Variants in TCF3 observed in about 807,000 individuals in gnomAD.
TCF3 encodes the protein transcription factor 3.
In TCF3, 54 loss-of-function variants were observed where a neutral mutation model predicts 72.3. That is an observed-to-expected ratio of 0.75 (90% CI 0.60 to 0.94). The LOEUF is 0.94. TCF3 is among the 40% of genes least tolerant of loss of function. The pLI, the probability that TCF3 is intolerant of heterozygous loss-of-function variation, is 0.00. For synonymous variants in TCF3, 525 were observed against 412.6 expected, an observed-to-expected ratio of 1.27 and a Z score of -3.30; for missense variants, 1,078 against 934.4, an observed-to-expected ratio of 1.15 and a Z score of -2.00.
In TCF3 at chr19:1,611,307, T is replaced by C. The variant is rs1298153255; in HGVS notation, c.*400A>G. The C allele has an allele frequency of 8.0e-6, 3 of 374,324 alleles. No homozygotes were observed. Among genetic ancestry groups the C allele is most frequent in the African/African-American group, 2.1e-5 (1 of 48,260 alleles). 23.2% of individuals were successfully genotyped at this position (374,324 alleles called of 1,614,324 possible). On this transcript the variant is annotated 3_prime_UTR_variant, in exon 19 of 19. Coordinates refer to ENST00000262965, the MANE Select transcript of TCF3 (RefSeq NM_003200.5). ...TTTCCATTTCTCCGCTTTTTATAGT[T>C]AAGGCATTTTTTTCTTCTCTGACAA...
chr19:1,609,604 G>C lies in TCF3; in HGVS notation c.*2103C>G. On this transcript the variant is annotated 3_prime_UTR_variant, in exon 19 of 19. Coordinates refer to ENST00000262965, the MANE Select transcript of TCF3 (RefSeq NM_003200.5). ...GGGGCCACTGCCCACCCAGACCTAG[G>C]GGCAGGGCCAGGAGCAAAACAAGAG... The C allele has an allele frequency of 4.5e-6, 1 of 220,716 alleles. No individual in the cohort carries two copies. Among genetic ancestry groups the C allele is most frequent in the East Asian group, 6.6e-5 (1 of 15,100 alleles). The allele number at this position is 220,716 out of a possible 1,614,324, so 13.7% of individuals were successfully genotyped here. A position where few individuals can be genotyped will look rare whatever the true frequency, so the allele number is the denominator to read the frequency against.
intron 13 of TCF3, 79 bp from the exon 14 acceptor site, chr19:1,619,932 T>G: frequency 8.0e-7 from 1 of 1,247,736 alleles, no homozygotes; most frequent in East Asian, 2.6e-5. Context: ...GAGGGATTCA[T>G]GAACCACCCC....
In TCF3 at chr19:1,652,424, G is replaced by GGC. The variant is rs1031220893; in HGVS notation, c.-166_-165dup. On this transcript the variant is annotated 5_prime_UTR_variant, in exon 1 of 19. Coordinates refer to ENST00000262965, the MANE Select transcript of TCF3 (RefSeq NM_003200.5). Reference sequence around the variant, plus strand: ...AGGGTCGCGCGTGGGCGGCGGCGGCGGCGCGCGTGGCCCGGGCCCCTCCCA... The same window carrying GGC: ...AGGGTCGCGCGTGGGCGGCGGCGGCGGCGCGCGCGTGGCCCGGGCCCCTCCCA... 2.1e-5 allele frequency: 3 copies of GGC among 142,156 alleles called. No homozygotes were observed. Among genetic ancestry groups the GGC allele is most frequent in the African/African-American group, 7.6e-5 (3 of 39,602 alleles). The allele number at this position is 142,156 out of a possible 1,614,324, so 8.8% of individuals were successfully genotyped here. A position where few individuals can be genotyped will look rare whatever the true frequency, so the allele number is the denominator to read the frequency against.
At chr19:1,624,264 C>T (rs2074889) in intron 7 of TCF3, among the ~76,000 whole-genome samples, 39,094 of 151,952 alleles carry the variant, frequency 0.26, 7,250 homozygotes, top group African/African-American at 0.52. Context: ...GGCGTGGTGG[C>T]GGGTGCCTAT....
chr19:1,643,032 C>T (rs919076931), intron 3 of TCF3, among the ~76,000 whole-genome samples: 5 of 152,150 alleles, frequency 3.3e-5, no homozygotes, highest in Admixed American at 3.3e-4. Flanking sequence ...TGGTGTCTCC[C>T]GTGGCCTCAG....
At chr19:1,644,074 G>A (rs931998108) in intron 3 of TCF3, among the ~76,000 whole-genome samples, 4 of 152,244 alleles carry the variant, frequency 2.6e-5, no homozygotes, top group Admixed American at 1.3e-4. Flanking sequence ...CCATCCTGCT[G>A]ATGAGCCCCA....
intron 7 of TCF3, among the ~76,000 whole-genome samples, chr19:1,624,367 G>A (rs1314872112): frequency 6.6e-6 from 1 of 152,212 alleles, no homozygotes; most frequent in Non-Finnish European, 1.5e-5. Flanking sequence ...CTGCACTCCA[G>A]CCTGGGGACA....
At position 1,615,602 on chromosome 19, in the gene TCF3, G is replaced by C. The variant is rs1269434920; in HGVS notation, c.1587-82C>G. ...CGTGGGGCCCGCCGACGGCCTCCCA[G>C]TGTGGGTGCGGTGTGCGTGTGGCCT... is the stretch of plus-strand genomic sequence containing the variant. On this transcript the variant is annotated intron_variant, in intron 17 of 18. Transcript: ENST00000262965. This position sits in a 1 kb window ranked among gnomAD's most constrained non-coding sequence, Gnocchi z 7.3. The C allele has an allele frequency of 1.2e-6, 2 of 1,608,572 alleles. No homozygotes were observed. Among genetic ancestry groups the C allele is most frequent in the Admixed American group, 3.3e-5 (2 of 60,002 alleles).
intron 18 of TCF3, chr19:1,612,243 C>G (rs752724738): frequency 1.2e-6 from 2 of 1,604,324 alleles, no homozygotes; most frequent in South Asian, 1.1e-5. Flanking sequence ...ATGACCTGCA[C>G]GGCCTGCTGC....
At chr19:1,622,544 A>C in intron 8 of TCF3, 129 bp from the exon 9 acceptor site, 4 of 521,208 alleles carry the variant, frequency 7.7e-6, no homozygotes, top group South Asian at 3.3e-5. Flanking sequence ...CTGTAAAGCC[A>C]CCCCCCTTTA....
intron 1 of TCF3, chr19:1,651,414 AG>A (rs2067025918): frequency 8.8e-6 from 2 of 226,558 alleles, no homozygotes; most frequent in Non-Finnish European, 1.8e-5. Flanking sequence ...TCCCCCGCTC[AG>A]TTTTTTTCTT....
intron 3 of TCF3, among the ~76,000 whole-genome samples, chr19:1,644,973 G>T (rs1385448237): frequency 6.6e-6 from 1 of 152,138 alleles, no homozygotes; most frequent in Non-Finnish European, 1.5e-5. Context: ...TGTTTCCGGG[G>T]GGCTGGCAGG....
chr19:1,612,072 C>G (rs2061057005), intron 18 of TCF3: 1 of 935,580 alleles, frequency 1.1e-6, no homozygotes, highest in Non-Finnish European at 1.6e-6. Context: ...TGGGGAACAT[C>G]ACTGGGTCTG....
Position 1,611,579 on chromosome 19 carries a change from T to C in TCF3, c.*128A>G. 3 of 1,316,756 alleles carry C rather than the reference T, an allele frequency of 2.3e-6. No homozygotes were observed. Among genetic ancestry groups the C allele is most frequent in the Non-Finnish European group, 3.1e-6 (3 of 978,052 alleles). 81.6% of individuals were successfully genotyped at this position (1,316,756 alleles called of 1,614,324 possible). The stretch of plus-strand genomic sequence containing the variant: ...ATCACTCCGAACCTTGTCAGGTTGG[T>C]GTTGGCTCGATGCTGACAACAGGTG... On this transcript the variant is annotated 3_prime_UTR_variant, in exon 19 of 19. Transcript: ENST00000262965.
chr19:1,648,449 G>A (rs574725568), intron 2 of TCF3, among the ~76,000 whole-genome samples: 2 of 152,326 alleles, frequency 1.3e-5, no homozygotes, highest in Admixed American at 1.3e-4. Context: ...CGTGCTGAGT[G>A]GCTTGAGGTG....
intron 2 of TCF3, among the ~76,000 whole-genome samples, chr19:1,646,894 T>A (rs2066193487): frequency 6.6e-6 from 1 of 152,242 alleles, no homozygotes; most frequent in African/African-American, 2.4e-5. Flanking sequence ...GGCTGACTCC[T>A]CGTTTCCTGT....
chr19:1,633,164 T>G (rs990545761), intron 3 of TCF3, among the ~76,000 whole-genome samples: 2 of 152,296 alleles, frequency 1.3e-5, no homozygotes, highest in South Asian at 2.1e-4. Flanking sequence ...TCTTCTGCCC[T>G]GGGCAGGGAG....
rs367884556 is a variant in TCF3 at position 1,615,763 on chromosome 19, C to G, written c.1509G>C (p.Glu503Asp). ...AASEIKREEKEDEENTSAADH... is the reference protein window; with the variant it reads ...AASEIKREEKDDEENTSAADH... ...CAGCCGCTGACGTGTTCTCCTCGTC[C>G]TCCTTCTCCTCCCGCTTGATCTCGC... The change falls in exon 17 of 19, where the codon GAG becomes GAC. Residue 503 changes from glutamate to aspartate, a missense_variant. Transcript: ENST00000262965. This position sits in a 1 kb window ranked among gnomAD's most constrained non-coding sequence, Gnocchi z 7.3. The G allele has an allele frequency of 3.7e-5, 60 of 1,602,766 alleles. No individual in the cohort carries two copies. The highest frequency in any genetic ancestry group is 6.7e-5 in the African/African-American group (5 of 74,732).
intron 2 of TCF3, among the ~76,000 whole-genome samples, chr19:1,648,738 C>G (rs1036321240): frequency 1.3e-5 from 2 of 151,892 alleles, no homozygotes; most frequent in African/African-American, 4.8e-5. Context: ...TGGCCTGTGC[C>G]TCATAGGCGG....
Sources: allele counts gnomAD v4.1 joint callset (sites outside exome capture counted in the v4.1 genomes callset), GRCh38; gene constraint gnomAD v4.1.1; non-coding constraint Gnocchi (gnomAD v3.1); transcripts MANE v1.5; gene names NCBI Gene and HGNC (gene_info 2026-07-23, HGNC 2026-07-21).